The following ACSL3 variants were observed in gnomAD, a reference collection of about 807,000 sequenced individuals.
ACSL3 encodes acyl-CoA synthetase long chain family member 3, also known as fatty acid CoA ligase Acsl3.
Under a neutral mutation model 84.7 loss-of-function variants are expected in ACSL3, and 34 were observed. That is an observed-to-expected ratio of 0.40 (90% CI 0.31 to 0.53). The LOEUF is 0.53. Among genes scored for constraint, ACSL3 ranks in the 20% least tolerant of loss-of-function variants. The probability of loss-of-function intolerance (pLI) is 0.48; values close to 1 mark genes in which losing one functional copy is unlikely to be tolerated. For missense variants in ACSL3, 680 were observed against 873.1 expected (o/e 0.78, Z 2.79); for synonymous variants, 315 against 299.4 (o/e 1.05, Z -0.54).
At position 222,944,401 on chromosome 2, in the gene ACSL3, C is replaced by A. The variant is rs1238752812; in HGVS notation, c.*2747C>A. 1 of 151,970 alleles carries A rather than the reference C, an allele frequency of 6.6e-6. No individual in the cohort carries two copies. Among genetic ancestry groups the A allele is most frequent in the Non-Finnish European group, 1.5e-5 (1 of 67,980 alleles). The allele number at this position is 151,970 out of a possible 1,614,324, so 9.4% of individuals were successfully genotyped here. A position where few individuals can be genotyped will look rare whatever the true frequency, so the allele number is the denominator to read the frequency against. ...AATTATGTACATCTGTGATGTTTTA[C>A]AGGGGGATCCGCTTTTAAACAGTGT... On this transcript the variant is annotated 3_prime_UTR_variant, in exon 17 of 17. Coordinates refer to ENST00000357430, the MANE Select transcript of ACSL3 (RefSeq NM_004457.5).
intron 3 of ACSL3, among the ~76,000 whole-genome samples, chr2:222,904,273 A>AAAAAC (rs1461441265): frequency 2.2e-5 from 2 of 91,606 alleles, no homozygotes; most frequent in Non-Finnish European, 4.1e-5. Flanking sequence ...CTCCATCTCA[A>AAAAAC]AAAACAAAAC....
At chr2:222,889,098 A>G (rs1184966956) in intron 2 of ACSL3, among the ~76,000 whole-genome samples, 1 of 152,240 alleles carries the variant, frequency 6.6e-6, no homozygotes, top group Non-Finnish European at 1.5e-5. Flanking sequence ...AATTGCAAAG[A>G]TAATTATGAC....
chr2:222,894,835 A>G (rs1219907639), intron 2 of ACSL3, among the ~76,000 whole-genome samples: 7 of 152,136 alleles, frequency 4.6e-5, no homozygotes, highest in South Asian at 2.1e-4. Flanking sequence ...AGTCTGTTCA[A>G]TGGGTATATA....
At chr2:222,900,305 CAGT>C (rs1696104770) in intron 2 of ACSL3, among the ~76,000 whole-genome samples, 1 of 152,178 alleles carries the variant, frequency 6.6e-6, no homozygotes, top group African/African-American at 2.4e-5. Context: ...TTGGTTTCCT[CAGT>C]GGTACTTTCT....
At chr2:222,880,189 G>T (rs918163393) in intron 1 of ACSL3, among the ~76,000 whole-genome samples, 1 of 152,132 alleles carries the variant, frequency 6.6e-6, no homozygotes, top group Non-Finnish European at 1.5e-5. Context: ...TAAATATGCT[G>T]TTTCTCAAAG....
chr2:222,918,310 A>G (rs949980154), intron 6 of ACSL3, among the ~76,000 whole-genome samples, 155 bp downstream of exon 6: 1 of 152,166 alleles, frequency 6.6e-6, no homozygotes, highest in Admixed American at 6.5e-5. Flanking sequence ...TTAGAAAATA[A>G]AAAGTAGATT....
chr2:222,913,920 C>T (rs963642802), intron 4 of ACSL3, among the ~76,000 whole-genome samples: 3 of 152,124 alleles, frequency 2.0e-5, no homozygotes, highest in Admixed American at 2.0e-4. Context: ...GTGTCCTTAG[C>T]ATGTAGTAAG....
intron 4 of ACSL3, among the ~76,000 whole-genome samples, chr2:222,910,491 A>G (rs993086237): frequency 6.6e-6 from 1 of 152,194 alleles, no homozygotes; most frequent in African/African-American, 2.4e-5. Context: ...CAACTATGGA[A>G]TGAAAAACTC....
chr2:222,884,766 T>A (rs1462270257), intron 1 of ACSL3, among the ~76,000 whole-genome samples: 1 of 152,234 alleles, frequency 6.6e-6, no homozygotes, highest in African/African-American at 2.4e-5. Context: ...TTATTCAGCT[T>A]ACTACAACTA....
At chr2:222,868,044 A>G (rs547780375) in intron 1 of ACSL3, among the ~76,000 whole-genome samples, 1 of 151,940 alleles carries the variant, frequency 6.6e-6, no homozygotes, top group East Asian at 1.9e-4. Flanking sequence ...TTTTACAGAT[A>G]TATATTATTT....
At chr2:222,907,788 C>G (rs1574544984) in intron 3 of ACSL3, among the ~76,000 whole-genome samples, 1 of 152,004 alleles carries the variant, frequency 6.6e-6, no homozygotes, top group African/African-American at 2.4e-5. Flanking sequence ...TTATTACCCA[C>G]CTGCCACACA....
chr2:222,941,610 A>G lies in ACSL3; in HGVS notation c.2119A>G (p.Thr707Ala). 6.2e-7 allele frequency: 1 copy of G among 1,613,472 alleles called. No individual in the cohort carries two copies. The highest frequency in any genetic ancestry group is 8.5e-7 in the Non-Finnish European group (1 of 1,179,712). The part of the protein sequence containing the change: ...AFKLKRKELK[T>A]HYQADIERMY... Reference sequence around the variant, plus strand: ...CAAGCTGAAACGCAAAGAGCTTAAAACACATTACCAGGCGGACATTGAGCG... The same window carrying G: ...CAAGCTGAAACGCAAAGAGCTTAAAGCACATTACCAGGCGGACATTGAGCG... Residue 707 changes from threonine to alanine, a missense_variant, in exon 17 of 17, where the codon ACA becomes GCA. Thr to Ala is a moderately conservative substitution (Grantham distance 58). Coordinates refer to ENST00000357430, the MANE Select transcript of ACSL3 (RefSeq NM_004457.5).
At chr2:222,930,841 G>T (rs1471504992) in intron 14 of ACSL3, 29 bp downstream of exon 14, 1 of 1,556,508 alleles carries the variant, frequency 6.4e-7, no homozygotes, top group South Asian at 1.2e-5. Flanking sequence ...TTTTGAAAAT[G>T]AATGTTTCTG....
At chr2:222,880,519 A>C (rs1244387914) in intron 1 of ACSL3, among the ~76,000 whole-genome samples, 1 of 152,032 alleles carries the variant, frequency 6.6e-6, no homozygotes, top group Non-Finnish European at 1.5e-5. Context: ...CTGGTGATTA[A>C]TAATATATAA....
intron 14 of ACSL3, 24 bp from the exon 15 acceptor site, chr2:222,933,142 T>A: frequency 6.9e-7 from 1 of 1,453,270 alleles, no homozygotes; most frequent in Non-Finnish European, 9.7e-7. Context: ...TGTTTTCCCC[T>A]CTCCACCTTT....
intron 7 of ACSL3, 134 bp downstream of exon 7, chr2:222,919,336 C>A: frequency 1.1e-6 from 1 of 950,746 alleles, no homozygotes; most frequent in Non-Finnish European, 1.5e-6. Context: ...AAAACAGGTC[C>A]CTCTAGGTAT....
intron 16 of ACSL3, among the ~76,000 whole-genome samples, chr2:222,934,942 C>T (rs1379733124): frequency 6.6e-6 from 1 of 152,148 alleles, no homozygotes; most frequent in African/African-American, 2.4e-5. Context: ...TACCCTTTCT[C>T]TTATGTCAGC....
In ACSL3 at chr2:222,919,123, G is replaced by A. The variant is rs13000358; in HGVS notation, c.726G>A (p.Pro242=). The A allele has an allele frequency of 0.049, 79,249 of 1,613,952 alleles. 2,223 individuals carry two copies. The highest frequency in any genetic ancestry group is 0.057 in the Non-Finnish European group (66,762 of 1,179,930). Residue 242 remains proline, a synonymous_variant, in exon 7 of 17, where the codon CCG becomes CCA. Coordinates refer to ENST00000357430, the MANE Select transcript of ACSL3 (RefSeq NM_004457.5). The stretch of plus-strand genomic sequence containing the variant: ...TCATCACTGTTGATGGAAAGCCACC[G>A]ACCTGGTCCGAGTTCCCCAAGGGCA... ...RHIITVDGKP[P]TWSEFPKGII...
chr2:222,930,691 G>A lies in ACSL3; in HGVS notation c.1611G>A (p.Met537Ile). 1.2e-6 allele frequency: 2 copies of A among 1,614,136 alleles called. No individual in the cohort carries two copies. Among genetic ancestry groups the A allele is most frequent in the Non-Finnish European group, 1.7e-6 (2 of 1,179,992 alleles). ...TTATTGGGGGCCAAAGTGTGACAAT[G>A]GGGTACTACAAAAATGAAGCAAAAA... ...EILIGGQSVTMGYYKNEAKTK... is the reference protein window; with the variant it reads ...EILIGGQSVTIGYYKNEAKTK... Residue 537 changes from methionine to isoleucine, a missense_variant, in exon 14 of 17, where the codon ATG becomes ATA. By Grantham distance (10) the Met-to-Ile change is conservative (BLOSUM62 1). This residue lies in a region of ACSL3 where 347 missense variants were observed against 525.7 expected (regional missense o/e 0.66). Coordinates refer to ENST00000357430, the MANE Select transcript of ACSL3 (RefSeq NM_004457.5).
Sources: allele counts gnomAD v4.1 joint callset (sites outside exome capture counted in the v4.1 genomes callset), GRCh38; gene constraint gnomAD v4.1.1; regional missense constraint gnomAD v4.1.1; transcripts MANE v1.5; gene names NCBI Gene and HGNC (gene_info 2026-07-23, HGNC 2026-07-21).